SRGAP3: variants seen among roughly 807,000 people sequenced by gnomAD.
The protein encoded by SRGAP3 is SLIT-ROBO Rho GTPase activating protein 3.
In SRGAP3, 39 loss-of-function variants were observed where a neutral mutation model predicts 121.1. The observed-to-expected ratio is 0.32, with a 90% CI of 0.25 to 0.42. The LOEUF is 0.42. Among genes scored for constraint, SRGAP3 ranks in the 10% least tolerant of loss-of-function variants. The pLI is 1.00. For missense variants in SRGAP3, 1,213 were observed against 1,470.6 expected, an observed-to-expected ratio of 0.82 and a Z score of 2.86; for synonymous variants, 601 against 570.0, an observed-to-expected ratio of 1.05 and a Z score of -0.77.
At chr3:9,063,931 C>T (rs912379847) in intron 5 of SRGAP3, among the ~76,000 whole-genome samples, 1 of 152,186 alleles carries the variant, frequency 6.6e-6, no homozygotes, top group Non-Finnish European at 1.5e-5. Flanking sequence ...TTGGAATGAG[C>T]CCTTCACCAG....
Position 8,985,476 on chromosome 3 carries a change from G to A in SRGAP3, c.*43C>T, listed in dbSNP as rs1207437611. 4 of 1,595,540 alleles carry A rather than the reference G, an allele frequency of 2.5e-6. No individual in the cohort carries two copies. The highest frequency in any genetic ancestry group is 3.4e-6 in the Non-Finnish European group (4 of 1,178,208). ...AGCCACCAAGGCCACCCTGGGCCGT[G>A]GTGAGCCACAGCGGGCCACGGCGGC... On this transcript the variant is annotated 3_prime_UTR_variant, in exon 22 of 22. Coordinates refer to ENST00000383836, the MANE Select transcript of SRGAP3 (RefSeq NM_014850.4). This position sits in a 1 kb window ranked among gnomAD's most constrained non-coding sequence, Gnocchi z 5.1.
At chr3:9,046,696 G>C (rs977504975) in intron 10 of SRGAP3, among the ~76,000 whole-genome samples, 1 of 152,144 alleles carries the variant, frequency 6.6e-6, no homozygotes, top group African/African-American at 2.4e-5. Context: ...AATAGTGTCT[G>C]CTGAAAAATG....
At chr3:9,143,931 T>C (rs17050076) in intron 1 of SRGAP3, among the ~76,000 whole-genome samples, 3,929 of 152,234 alleles carry the variant, frequency 0.026, 186 homozygotes, top group African/African-American at 0.09. Context: ...CCAACACTTC[T>C]TCTAAATTCA....
intron 3 of SRGAP3, among the ~76,000 whole-genome samples, chr3:9,285,877 G>A (rs879389973): frequency 6.6e-6 from 1 of 152,162 alleles, no homozygotes; most frequent in African/African-American, 2.4e-5. Flanking sequence ...GGAGGCTGAG[G>A]TGGGAGGATC....
At position 9,056,247 on chromosome 3, in the gene SRGAP3, T is replaced by C; in HGVS notation, c.1111A>G (p.Ile371Val). ...GGCTCACTCACCTCCTCATTCTCTA[T>C]CTTGAGGGTGGCCAGTCTGGACTGC... ...QLQSRLATLK[I>V]ENEEVRKTLD... The change falls in exon 8 of 22, where the codon ATA becomes GTA. Residue 371 changes from isoleucine to valine, a missense_variant. Ile to Val is a conservative substitution (Grantham distance 29, BLOSUM62 3). Transcript: ENST00000383836. 1 of 1,614,084 alleles carries C rather than the reference T, an allele frequency of 6.2e-7. No individual in the cohort carries two copies. The highest frequency in any genetic ancestry group is 8.5e-7 in the Non-Finnish European group (1 of 1,180,010).
intron 1 of SRGAP3, among the ~76,000 whole-genome samples, chr3:9,149,122 G>C (rs1291488930): frequency 6.6e-6 from 1 of 151,148 alleles, no homozygotes; most frequent in Non-Finnish European, 1.5e-5. Context: ...GCTGATGCAG[G>C]AGAATCGCTT....
chr3:9,247,482 C>T (rs185978084), intron 1 of SRGAP3, among the ~76,000 whole-genome samples: 7 of 152,104 alleles, frequency 4.6e-5, no homozygotes, highest in African/African-American at 1.7e-4. Flanking sequence ...GGAAAAAAAA[C>T]AGATCCCTCC....
intron 2 of SRGAP3, among the ~76,000 whole-genome samples, chr3:9,107,829 C>G (rs1948470812): frequency 6.6e-6 from 1 of 152,224 alleles, no homozygotes; most frequent in African/African-American, 2.4e-5. Flanking sequence ...GAGCAGGGAT[C>G]ACTTCTATTG....
intron 10 of SRGAP3, among the ~76,000 whole-genome samples, chr3:9,046,513 C>A (rs1275809662): frequency 6.6e-6 from 1 of 152,210 alleles, no homozygotes; most frequent in African/African-American, 2.4e-5. Context: ...TGGTATAAGG[C>A]CTCATGTGCC....
Position 9,060,250 on chromosome 3 carries a change from T to G in SRGAP3, c.782A>C (p.Asp261Ala), listed in dbSNP as rs1351903453. ...NAAISKYYIH[D>A]VSDLIDCCDL... ...GCTCACATCGATCAGATCAGAGACA[T>G]CATGGATGTAGTATTTGCTTATAGC... The change falls in exon 6 of 22, where the codon GAT becomes GCT. Residue 261 changes from aspartate to alanine, a missense_variant. Asp to Ala is a moderately radical substitution (Grantham distance 126, BLOSUM62 -2). Transcript: ENST00000383836. 1.9e-6 allele frequency: 3 copies of G among 1,614,038 alleles called. No homozygotes were observed. The highest frequency in any genetic ancestry group is 1.3e-5 in the African/African-American group (1 of 75,002).
At chr3:9,285,707 G>A (rs1954755727) in intron 3 of SRGAP3, among the ~76,000 whole-genome samples, 1 of 150,420 alleles carries the variant, frequency 6.6e-6, no homozygotes, top group Non-Finnish European at 1.5e-5. Flanking sequence ...GAGGCAGGCA[G>A]ATTACTTGAG....
chr3:9,228,244 C>T (rs904492583), intron 1 of SRGAP3, among the ~76,000 whole-genome samples: 2 of 152,250 alleles, frequency 1.3e-5, no homozygotes, highest in Non-Finnish European at 1.5e-5. Flanking sequence ...AAAAAGGCAG[C>T]CGCCAGTCAG....
At chr3:9,229,256 G>A (rs574293354) in intron 1 of SRGAP3, among the ~76,000 whole-genome samples, 2 of 152,160 alleles carry the variant, frequency 1.3e-5, no homozygotes, top group African/African-American at 4.8e-5. Context: ...TTCAGTCTGG[G>A]TGGGTCCAGA....
At chr3:9,304,729 C>T (rs1228714217) in intron 3 of SRGAP3, among the ~76,000 whole-genome samples, 1 of 152,148 alleles carries the variant, frequency 6.6e-6, no homozygotes, top group Non-Finnish European at 1.5e-5. Flanking sequence ...AGGTCGTATG[C>T]TCACTCCCTG....
intron 7 of SRGAP3, among the ~76,000 whole-genome samples, chr3:9,057,539 C>T (rs1412176130): frequency 6.6e-6 from 1 of 152,192 alleles, no homozygotes; most frequent in African/African-American, 2.4e-5. Flanking sequence ...CGGATGCCTC[C>T]TTGCCCCTCC....
intron 1 of SRGAP3, among the ~76,000 whole-genome samples, chr3:9,165,147 C>T (rs1278088927): frequency 6.6e-6 from 1 of 152,218 alleles, no homozygotes; most frequent in Admixed American, 6.5e-5. Flanking sequence ...GTGCCACATT[C>T]AGAGGAAAAA....
chr3:9,188,148 C>A (rs1010638462), intron 1 of SRGAP3, among the ~76,000 whole-genome samples: 3 of 152,210 alleles, frequency 2.0e-5, no homozygotes, highest in Non-Finnish European at 2.9e-5. Flanking sequence ...TTCAATAACA[C>A]AGATTTTTGT....
intron 1 of SRGAP3, among the ~76,000 whole-genome samples, chr3:9,171,964 C>T (rs1052862390): frequency 2.0e-5 from 3 of 151,990 alleles, no homozygotes; most frequent in Non-Finnish European, 4.4e-5. Context: ...TGGCATTTCT[C>T]GTCTCCTGCC....
intron 18 of SRGAP3, among the ~76,000 whole-genome samples, chr3:9,004,586 A>G (rs968542648): frequency 1.3e-5 from 2 of 152,252 alleles, no homozygotes; most frequent in African/African-American, 2.4e-5. Flanking sequence ...TGGTCAGTGG[A>G]ATAGCATTGC....
Sources: gnomAD v4.1 joint callset for allele counts (sites outside exome capture counted in the v4.1 genomes callset) on GRCh38, gnomAD v4.1.1 for gene constraint, Gnocchi (gnomAD v3.1) non-coding constraint, MANE v1.5 for transcripts, NCBI Gene and HGNC (gene_info 2026-07-23, HGNC 2026-07-21) for gene names.